Variants in NOX4 observed in about 807,000 individuals in gnomAD.
The protein encoded by NOX4 is kidney oxidase-1.
A neutral mutation model predicts 87.6 loss-of-function variants in NOX4; 69 were observed. That is an observed-to-expected ratio of 0.79 (90% CI 0.65 to 0.96). The LOEUF (loss-of-function observed/expected upper bound fraction) is 0.96, where lower values mean the gene tolerates loss of function less well. Ranked by LOEUF, NOX4 falls within the 40% of genes least tolerant of loss-of-function variation. NOX4 has a pLI of 0.00. For missense variants in NOX4, 680 were observed against 681.5 expected, an observed-to-expected ratio of 1.00 and a Z score of 0.02; for synonymous variants, 275 against 238.2, an observed-to-expected ratio of 1.15 and a Z score of -1.42.
At chr11:89,504,665 T>C in the NOX4 span, among the ~76,000 whole-genome samples, 1 of 151,996 alleles carries the variant, frequency 6.6e-6, no homozygotes, top group Non-Finnish European at 1.5e-5. Context: ...TTGTGAATTA[T>C]ACATCAGGAT....
chr11:89,437,799 T>C (rs186124082), intron 6 of NOX4, among the ~76,000 whole-genome samples: 2 of 152,198 alleles, frequency 1.3e-5, no homozygotes, highest in Non-Finnish European at 2.9e-5. Context: ...TCAATATCCA[T>C]GCGATTGGTT....
chr11:89,576,674 G>A, the NOX4 span, among the ~76,000 whole-genome samples: 3 of 152,084 alleles, frequency 2.0e-5, no homozygotes, highest in Admixed American at 1.3e-4. Context: ...GGCAAATGGT[G>A]AGTATTTCTC....
chr11:89,373,324 AACACAT>A, intron 12 of NOX4, 102 bp downstream of exon 12: 1 of 589,860 alleles, frequency 1.7e-6, no homozygotes, highest in Non-Finnish European at 3.0e-6. Context: ...AACAGCTTGA[AACACAT>A]ACACATCTCT....
the NOX4 span, among the ~76,000 whole-genome samples, chr11:89,569,931 G>A: frequency 6.6e-6 from 1 of 151,544 alleles, no homozygotes; most frequent in Non-Finnish European, 1.5e-5. Context: ...GAACCTGGGA[G>A]GCGGAGCTTG....
At chr11:89,342,012 G>C in intron 14 of NOX4, 62 bp downstream of exon 14, 1 of 1,328,572 alleles carries the variant, frequency 7.5e-7, no homozygotes, top group South Asian at 1.3e-5. Context: ...ACTAAAAAGA[G>C]AGATATCAGA....
intron 12 of NOX4, 148 bp downstream of exon 12, chr11:89,373,284 A>C: frequency 2.2e-6 from 1 of 459,230 alleles, no homozygotes; most frequent in South Asian, 4.9e-5. Flanking sequence ...AAGCAAAAAA[A>C]AAAAAAAAAA....
At chr11:89,368,554 A>G (rs1384923108) in intron 12 of NOX4, among the ~76,000 whole-genome samples, 2 of 152,066 alleles carry the variant, frequency 1.3e-5, no homozygotes, top group South Asian at 4.1e-4. Context: ...CACACATGGT[A>G]GAAGAGCAGA....
chr11:89,387,681 T>C (rs1378287948), intron 11 of NOX4, among the ~76,000 whole-genome samples: 1 of 152,198 alleles, frequency 6.6e-6, no homozygotes, highest in Non-Finnish European at 1.5e-5. Context: ...TCCATGAAAT[T>C]AGTATGAAAA....
At chr11:89,548,334 T>C in the NOX4 span, 1 of 152,176 alleles carries the variant, frequency 6.6e-6, no homozygotes, top group Non-Finnish European at 1.5e-5. Flanking sequence ...ACATGAGAAG[T>C]TGGTCATCTG....
At chr11:89,446,730 A>G (rs1944726194) in intron 4 of NOX4, among the ~76,000 whole-genome samples, 1 of 152,134 alleles carries the variant, frequency 6.6e-6, no homozygotes, top group African/African-American at 2.4e-5. Context: ...AGGAAAGATA[A>G]ATAGGCAGAG....
At chr11:89,466,042 G>A (rs1945679110) in intron 2 of NOX4, among the ~76,000 whole-genome samples, 1 of 151,982 alleles carries the variant, frequency 6.6e-6, no homozygotes. Flanking sequence ...CTCTCACCAG[G>A]TTAGGATACA....
chr11:89,448,148 T>C (rs765258258), intron 4 of NOX4, among the ~76,000 whole-genome samples: 3 of 152,112 alleles, frequency 2.0e-5, no homozygotes, highest in Non-Finnish European at 2.9e-5. Flanking sequence ...CCTAAAAATT[T>C]CTATTCATTT....
At chr11:89,406,275 C>T (rs1435132576) in intron 8 of NOX4, among the ~76,000 whole-genome samples, 1 of 151,994 alleles carries the variant, frequency 6.6e-6, no homozygotes, top group East Asian at 1.9e-4. Flanking sequence ...CTCCCTAATC[C>T]ATTTACTTCA....
At chr11:89,587,492 T>C in the NOX4 span, among the ~76,000 whole-genome samples, 4 of 67,740 alleles carry the variant, frequency 5.9e-5, no homozygotes, top group Non-Finnish European at 1.4e-4. Flanking sequence ...AAGGATTGCG[T>C]TCCAGATGAA....
the NOX4 span, among the ~76,000 whole-genome samples, chr11:89,544,082 A>G: frequency 6.6e-6 from 1 of 152,122 alleles, no homozygotes; most frequent in Non-Finnish European, 1.5e-5. Flanking sequence ...CTGTAGACTC[A>G]TAATATTAAA....
At chr11:89,362,970 AC>A (rs1938643918) in intron 12 of NOX4, among the ~76,000 whole-genome samples, 1 of 152,168 alleles carries the variant, frequency 6.6e-6, no homozygotes, top group African/African-American at 2.4e-5. Context: ...TAAGTCAGGC[AC>A]CAACTGAGGT....
At chr11:89,403,744 A>T (rs2135193245) in intron 8 of NOX4, among the ~76,000 whole-genome samples, 1 of 152,282 alleles carries the variant, frequency 6.6e-6, no homozygotes, top group Non-Finnish European at 1.5e-5. Context: ...ACTCCGTCTC[A>T]AAAATAAATA....
chr11:89,575,009 C>T, the NOX4 span, among the ~76,000 whole-genome samples: 8 of 151,994 alleles, frequency 5.3e-5, no homozygotes, highest in Admixed American at 5.2e-4. Flanking sequence ...ATGGTAAAAC[C>T]CCGTCTCTAC....
chr11:89,397,009 A>G (rs1317837538), intron 11 of NOX4, among the ~76,000 whole-genome samples: 2 of 152,134 alleles, frequency 1.3e-5, no homozygotes, highest in Non-Finnish European at 2.9e-5. Context: ...ATTCAACAGC[A>G]TATACATTCT....
Sources: gnomAD v4.1 joint callset for allele counts (sites outside exome capture counted in the v4.1 genomes callset) on GRCh38, gnomAD v4.1.1 for gene constraint, MANE v1.5 for transcripts, NCBI Gene and HGNC (gene_info 2026-07-23, HGNC 2026-07-21) for gene names.